Variants in IPO9 observed in about 807,000 individuals in gnomAD.
IPO9 encodes the protein importin-9.
A neutral mutation model predicts 128.6 loss-of-function variants in IPO9; 28 were observed. The ratio of observed to expected loss-of-function variants is 0.22; its 90% CI spans 0.16 to 0.30. IPO9 has a LOEUF of 0.30. IPO9 is among the 10% of genes least tolerant of loss of function. IPO9 has a pLI of 1.00. For synonymous variants in IPO9, 455 were observed against 475.8 expected, an observed-to-expected ratio of 0.96 and a Z score of 0.57; for missense variants, 935 against 1,293.9, an observed-to-expected ratio of 0.72 and a Z score of 4.26.
chr1:201,878,872 G>C lies in IPO9; in HGVS notation c.*2818G>C, dbSNP rs983883263. 3 of 152,162 alleles carry C rather than the reference G, an allele frequency of 2.0e-5. No homozygotes were observed. The highest frequency in any genetic ancestry group is 2.1e-4 in the South Asian group (1 of 4,830). The allele number at this position is 152,162 out of a possible 1,614,324, so 9.4% of individuals were successfully genotyped here. On this transcript the variant is annotated 3_prime_UTR_variant, in exon 24 of 24. Transcript: ENST00000361565. ...ATTTTGTCTCCTGTCTTTGGCCAAA[G>C]AGAACTAGCTTCAGTCTGAAAAGGG...
rs569661255 is a variant in IPO9, at chr1:201,855,638, C to T, written c.971-145C>T. On this transcript the variant is annotated intron_variant, in intron 9 of 23. Coordinates refer to ENST00000361565, the MANE Select transcript of IPO9 (RefSeq NM_018085.5). Reference sequence around the variant, plus strand: ...AAATTACGTTTTGTGACCTCTGAGCCCTCTCTCCCAATTCCTCAGGAATGA... The same window carrying T: ...AAATTACGTTTTGTGACCTCTGAGCTCTCTCTCCCAATTCCTCAGGAATGA... 65 of 696,734 alleles carry T rather than the reference C, an allele frequency of 9.3e-5. No individual in the cohort carries two copies. The South Asian group carries it at 1.3e-3, about 14-fold the overall frequency. 43.2% of individuals were successfully genotyped at this position (696,734 alleles called of 1,614,324 possible).
At chr1:201,854,754 G>A (rs765216599) in intron 7 of IPO9, 40 bp downstream of exon 7, 1 of 1,610,012 alleles carries the variant, frequency 6.2e-7, no homozygotes, top group Non-Finnish European at 8.5e-7. Flanking sequence ...GAGTTTGAGG[G>A]GCTGGTCTGA....
Position 201,882,684 on chromosome 1 carries a change from C to G in IPO9, c.*6630C>G, listed in dbSNP as rs1680911428. On this transcript the variant is annotated 3_prime_UTR_variant, in exon 24 of 24. Transcript: ENST00000361565. ...AAGAAAAGCAATGAGGAACTACTGG[C>G]CTGACTAGGAGGCCTAGAAGTCCCT... is the stretch of plus-strand genomic sequence containing the variant. The G allele has an allele frequency of 6.6e-6, 1 of 152,124 alleles. No individual in the cohort carries two copies. The allele number at this position is 152,124 out of a possible 1,614,324, so 9.4% of individuals were successfully genotyped here.
chr1:201,863,807 C>T (rs1680500834), intron 14 of IPO9, among the ~76,000 whole-genome samples, 200 bp downstream of exon 14: 2 of 152,216 alleles, frequency 1.3e-5, no homozygotes, highest in Non-Finnish European at 2.9e-5. Context: ...TTCCTTTCTG[C>T]TCCTCTTCCT....
At chr1:201,844,208 T>C (rs912746160) in intron 1 of IPO9, among the ~76,000 whole-genome samples, 17 of 152,292 alleles carry the variant, frequency 1.1e-4, no homozygotes, top group African/African-American at 3.8e-4. Flanking sequence ...TGATCAAGGT[T>C]ACCATAACCA....
rs769365985 is a variant in IPO9, at chr1:201,857,211, A to G, written c.1221+17A>G. 11 of 1,465,804 alleles carry G rather than the reference A, an allele frequency of 7.5e-6. No homozygotes were observed. The African/African-American group carries it at 1.5e-4, about 20-fold the overall frequency. 90.8% of individuals were successfully genotyped at this position (1,465,804 alleles called of 1,614,324 possible). A position where few individuals can be genotyped will look rare whatever the true frequency, so the allele number is the denominator to read the frequency against. On this transcript the variant is annotated intron_variant, in intron 11 of 23. Coordinates refer to ENST00000361565, the MANE Select transcript of IPO9 (RefSeq NM_018085.5). ...TTGTTGCTGGTAAGTTTACCTTGAT[A>G]CTTCAGCCACATAATTTCTATCAGT...
chr1:201,841,575 C>G (rs1483629462), intron 1 of IPO9, among the ~76,000 whole-genome samples: 1 of 152,196 alleles, frequency 6.6e-6, no homozygotes, highest in Non-Finnish European at 1.5e-5. Flanking sequence ...ATACCTAGTG[C>G]TCACATCTTG....
chr1:201,838,593 C>T (rs1363928134), intron 1 of IPO9, among the ~76,000 whole-genome samples: 1 of 151,980 alleles, frequency 6.6e-6, no homozygotes, highest in Non-Finnish European at 1.5e-5. Context: ...CAAGTGTTTG[C>T]TTGTGATTTA....
In IPO9 at chr1:201,829,335, T is replaced by C. The variant is rs1432621477; in HGVS notation, c.126T>C (p.Ala42=). The change falls in exon 1 of 24, where the codon GCT becomes GCC. Residue 42 remains alanine, a synonymous_variant. Transcript: ENST00000361565. Reference sequence around the variant, plus strand: ...CCCCAGTACAGGAGGTGCGGGCGGCTGCTGAAGAACAGATTAAGGTGCTGG... The same window carrying C: ...CCCCAGTACAGGAGGTGCGGGCGGCCGCTGAAGAACAGATTAAGGTGCTGG... ...ILSPVQEVRA[A]AEEQIKVLEV... The C allele has an allele frequency of 1.3e-6, 2 of 1,589,746 alleles. No individual in the cohort carries two copies. Among genetic ancestry groups the C allele is most frequent in the Non-Finnish European group, 1.7e-6 (2 of 1,169,464 alleles).
intron 11 of IPO9, among the ~76,000 whole-genome samples, 155 bp from the exon 12 acceptor site, chr1:201,858,292 C>A (rs41314446): frequency 1.2e-3 from 183 of 152,312 alleles, no homozygotes; most frequent in Non-Finnish European, 2.1e-3. Context: ...GAGACCCTGA[C>A]CTACTGGTAT....
chr1:201,863,696 T>A, intron 14 of IPO9, 89 bp downstream of exon 14: 1 of 1,186,724 alleles, frequency 8.4e-7, no homozygotes, highest in East Asian at 2.4e-5. Context: ...TTATGTTGCT[T>A]GGAAATCCCT....
In IPO9 at chr1:201,870,709, C is replaced by T; in HGVS notation, c.2260C>T (p.Arg754Cys). The change falls in exon 18 of 24, where the codon CGC (arginine) becomes TGC (cysteine). Residue 754 changes from arginine to cysteine, a missense_variant. Transcript: ENST00000361565. This position sits in a 1 kb window ranked among gnomAD's most constrained non-coding sequence, Gnocchi z 4.9. Reference protein sequence around the residue: ...MQVVSQLLDPRTSEFTAAFVG... With the variant: ...MQVVSQLLDPCTSEFTAAFVG... ...AGTGGTGAGCCAGCTCCTGGACCCC[C>T]GCACCTCAGAGTTCACTGCGGCCTT... is the stretch of plus-strand genomic sequence containing the variant. 5 of 1,614,220 alleles carry T rather than the reference C, an allele frequency of 3.1e-6. No homozygotes were observed. The highest frequency in any genetic ancestry group is 1.1e-5 in the South Asian group (1 of 91,086).
intron 15 of IPO9, among the ~76,000 whole-genome samples, chr1:201,867,870 G>A (rs1357859488): frequency 2.0e-5 from 3 of 152,064 alleles, no homozygotes; most frequent in Non-Finnish European, 4.4e-5. Context: ...TGAAAAATGT[G>A]TACTGAGGAG....
At chr1:201,859,180 A>AATATATATATATATATATAT (rs148348918) in intron 13 of IPO9, among the ~76,000 whole-genome samples, 186 bp downstream of exon 13, 7 of 83,448 alleles carry the variant, frequency 8.4e-5, no homozygotes, top group African/African-American at 2.8e-4. Flanking sequence ...CTCAAAGTAT[A>AATATATATATATATATATAT]ATATATATAT....
In IPO9 at chr1:201,847,285, G is replaced by T. The variant is rs1473912034; in HGVS notation, c.170G>T (p.Gly57Val). Reference sequence around the variant, plus strand: ...ATAAAATTTTCTCTTTCAGAATTTGGTGTTCACTTGGCAGAACTGACTGTA... The same window carrying T: ...ATAAAATTTTCTCTTTCAGAATTTGTTGTTCACTTGGCAGAACTGACTGTA... ...IKVLEVTEEF[G>V]VHLAELTVDP... The change falls in exon 2 of 24, where the codon GGT (glycine) becomes GTT (valine). Residue 57 changes from glycine (G) to valine (V), a missense_variant. Coordinates refer to ENST00000361565, the MANE Select transcript of IPO9 (RefSeq NM_018085.5). The T allele has an allele frequency of 1.2e-6, 2 of 1,613,826 alleles. No homozygotes were observed. The highest frequency in any genetic ancestry group is 1.7e-5 in the Admixed American group (1 of 59,998).
At chr1:201,851,833 A>G (rs1206391625) in intron 4 of IPO9, among the ~76,000 whole-genome samples, 1 of 152,210 alleles carries the variant, frequency 6.6e-6, no homozygotes, top group East Asian at 1.9e-4. Context: ...ATGCAGTTCT[A>G]TTACAGATTT....
chr1:201,845,142 G>T (rs1023926679), intron 1 of IPO9, among the ~76,000 whole-genome samples: 1 of 151,954 alleles, frequency 6.6e-6, no homozygotes, highest in African/African-American at 2.4e-5. Flanking sequence ...TCAGCCTCTC[G>T]AGTAGCTGGG....
chr1:201,855,333 A>G (rs182997516), intron 9 of IPO9, 151 bp downstream of exon 9: 14 of 573,426 alleles, frequency 2.4e-5, no homozygotes, highest in African/African-American at 7.4e-5. Flanking sequence ...GATGTGGGGA[A>G]ATGAGAATTG....
intron 1 of IPO9, among the ~76,000 whole-genome samples, chr1:201,845,032 G>C (rs10920263): frequency 4.9e-4 from 74 of 151,288 alleles, no homozygotes; most frequent in African/African-American, 1.1e-3. Flanking sequence ...GGGAGGGGGG[G>C]GCGTACAGAG....
Sources: allele counts gnomAD v4.1 joint callset (sites outside exome capture counted in the v4.1 genomes callset), GRCh38; gene constraint gnomAD v4.1.1; non-coding constraint Gnocchi (gnomAD v3.1); transcripts MANE v1.5; gene names NCBI Gene and HGNC (gene_info 2026-07-23, HGNC 2026-07-21).